GABRG1: variants seen among roughly 807,000 people sequenced by gnomAD.
The protein encoded by GABRG1 is gamma-aminobutyric acid type A receptor subunit gamma1, also known as gamma-aminobutyric acid receptor subunit gamma-1.
A neutral mutation model predicts 49.8 loss-of-function variants in GABRG1; 49 were observed. The observed-to-expected ratio is 0.98, with a 90% CI of 0.78 to 1.25. The LOEUF (loss-of-function observed/expected upper bound fraction) is 1.25. GABRG1 is among the 50% of genes most tolerant of loss of function. The pLI is 0.00. For synonymous variants in GABRG1, 232 were observed against 185.1 expected, an observed-to-expected ratio of 1.25 and a Z score of -2.06; for missense variants, 552 against 552.3, an observed-to-expected ratio of 1.00 and a Z score of 0.01.
At chr4:46,112,117 C>T (rs1291692532) in intron 1 of GABRG1, among the ~76,000 whole-genome samples, 1 of 151,202 alleles carries the variant, frequency 6.6e-6, no homozygotes, top group Non-Finnish European at 1.5e-5. Context: ...TATCTAGAAT[C>T]CACAGGGAAC....
chr4:46,049,035 C>T (rs1718113832), intron 8 of GABRG1, among the ~76,000 whole-genome samples: 1 of 151,714 alleles, frequency 6.6e-6, no homozygotes, highest in Non-Finnish European at 1.5e-5. Flanking sequence ...TGACTATAGC[C>T]CTAAACATTT....
Position 46,058,336 on chromosome 4 carries a change from A to G in GABRG1, c.797T>C (p.Leu266Pro). The G allele has an allele frequency of 6.2e-7, 1 of 1,611,972 alleles. No individual in the cohort carries two copies. Among genetic ancestry groups the G allele is most frequent in the Non-Finnish European group, 8.5e-7 (1 of 1,179,170 alleles). The change falls in exon 7 of 9, where the codon CTG becomes CCG. Residue 266 changes from leucine (L) to proline (P), a missense_variant. Physicochemically the swap from Leu to Pro is moderately conservative, Grantham distance 98. Transcript: ENST00000295452. ...AGTGAAATATCCCATTCTTCTGCTC[A>G]GGTCAAAAAAAATTGTCATGATAAC... ...DYVIMTIFFD[L>P]SRRMGYFTIQ...
rs142821690 is a variant in GABRG1 at position 46,084,293 on chromosome 4, T to A, written c.254-240A>T. 2.0e-4 allele frequency among the ~76,000 whole-genome samples: 31 copies of A among 151,836 alleles called. 1 individual carries two copies. Among genetic ancestry groups the A allele is most frequent in the African/African-American group, 6.3e-4 (26 of 41,536 alleles). ...GAGATAATGCAGAAAAATGACCTTGTAGACTGAAAGTTTCTGTTATTGTGG... is the reference window on the plus strand; with the variant it reads ...GAGATAATGCAGAAAAATGACCTTGAAGACTGAAAGTTTCTGTTATTGTGG... On this transcript the variant is annotated intron_variant, in intron 2 of 8. Coordinates refer to ENST00000295452, the MANE Select transcript of GABRG1 (RefSeq NM_173536.4).
At chr4:46,121,705 G>A (rs928434901) in intron 1 of GABRG1, among the ~76,000 whole-genome samples, 2 of 151,592 alleles carry the variant, frequency 1.3e-5, no homozygotes, top group East Asian at 3.9e-4. Context: ...TTATGTTTTT[G>A]GGGGTACTTT....
chr4:46,039,354 C>T lies in GABRG1; in HGVS notation c.*1634G>A, dbSNP rs1717666191. 1 of 151,102 alleles carries T rather than the reference C, an allele frequency of 6.6e-6. No homozygotes were observed. Among genetic ancestry groups the T allele is most frequent in the African/African-American group, 2.4e-5 (1 of 41,224 alleles). 9.4% of individuals were successfully genotyped at this position (151,102 alleles called of 1,614,324 possible). On this transcript the variant is annotated 3_prime_UTR_variant, in exon 9 of 9. Transcript: ENST00000295452. ...AAAAAAATAGAGTTAGCTGGGAACA[C>T]ACAGTAAATTATAAATAAATTAATT...
intron 3 of GABRG1, among the ~76,000 whole-genome samples, chr4:46,068,048 C>T (rs1718982900): frequency 6.6e-6 from 1 of 152,112 alleles, no homozygotes; most frequent in African/African-American, 2.4e-5. Context: ...AGCCTCTTCA[C>T]CTGACACAAA....
At position 46,097,307 on chromosome 4, in the gene GABRG1, C is replaced by A. The variant is rs1577662484; in HGVS notation, c.147G>T (p.Val49=). The change falls in exon 2 of 9, where the codon GTG becomes GTT. Residue 49 remains valine (V), a synonymous_variant. Coordinates refer to ENST00000295452, the MANE Select transcript of GABRG1 (RefSeq NM_173536.4). The part of the protein sequence containing the change: ...ADDEDDEDLT[V]NKTWVLAPKI... ...TTGGGGCCAAGACCCAGGTTTTGTTCACCGTTAAATCCTCATCATCTTCAT... is the reference window on the plus strand; with the variant it reads ...TTGGGGCCAAGACCCAGGTTTTGTTAACCGTTAAATCCTCATCATCTTCAT... The A allele has an allele frequency of 6.2e-7, 1 of 1,610,476 alleles. No homozygotes were observed. Among genetic ancestry groups the A allele is most frequent in the African/African-American group, 1.3e-5 (1 of 74,574 alleles).
intron 3 of GABRG1, among the ~76,000 whole-genome samples, chr4:46,081,167 C>T (rs532115587): frequency 1.2e-3 from 179 of 151,878 alleles, no homozygotes; most frequent in Non-Finnish European, 2.2e-3. Context: ...CTAAGGTCTG[C>T]TATTCATTTC....
chr4:46,047,446 T>C (rs1718049442), intron 8 of GABRG1, among the ~76,000 whole-genome samples: 1 of 152,088 alleles, frequency 6.6e-6, no homozygotes, highest in South Asian at 2.1e-4. Context: ...TATGAATGAA[T>C]TATTTACACA....
chr4:46,066,247 CTA>C (rs1428360064), intron 3 of GABRG1, among the ~76,000 whole-genome samples: 1 of 152,108 alleles, frequency 6.6e-6, no homozygotes, highest in Non-Finnish European at 1.5e-5. Context: ...AAAAAAGAAA[CTA>C]GACGCAAAAA....
At chr4:46,080,225 T>C (rs978864617) in intron 3 of GABRG1, among the ~76,000 whole-genome samples, 2 of 151,854 alleles carry the variant, frequency 1.3e-5, no homozygotes, top group African/African-American at 4.8e-5. Flanking sequence ...TTTTGTTTCT[T>C]ACTGGTCACT....
At chr4:46,116,587 T>C (rs1259292454) in intron 1 of GABRG1, among the ~76,000 whole-genome samples, 1 of 150,798 alleles carries the variant, frequency 6.6e-6, no homozygotes, top group Admixed American at 6.6e-5. Context: ...CAGAAACATA[T>C]ATATTTTTCT....
intron 2 of GABRG1, among the ~76,000 whole-genome samples, chr4:46,095,547 T>G (rs1338458660): frequency 6.6e-6 from 1 of 151,624 alleles, no homozygotes; most frequent in African/African-American, 2.4e-5. Context: ...AAAAAAAGAC[T>G]AAGTAAATTA....
chr4:46,086,571 T>C (rs1211945905), intron 2 of GABRG1, among the ~76,000 whole-genome samples: 1 of 151,594 alleles, frequency 6.6e-6, no homozygotes, highest in Non-Finnish European at 1.5e-5. Context: ...TATAGACTTT[T>C]CTTATTGTCA....
intron 3 of GABRG1, among the ~76,000 whole-genome samples, chr4:46,076,887 T>C (rs553664942): frequency 8.6e-4 from 130 of 151,782 alleles, no homozygotes; most frequent in African/African-American, 3.0e-3. Context: ...CTGAGAGGTC[T>C]AGGGTGTGTA....
intron 2 of GABRG1, among the ~76,000 whole-genome samples, chr4:46,094,540 G>A (rs1312092188): frequency 1.3e-5 from 2 of 152,024 alleles, no homozygotes; most frequent in Non-Finnish European, 2.9e-5. Flanking sequence ...GGATCTACAA[G>A]TATGTGTGAT....
At chr4:46,117,685 CAT>C (rs1720951163) in intron 1 of GABRG1, among the ~76,000 whole-genome samples, 4 of 142,376 alleles carry the variant, frequency 2.8e-5, no homozygotes, top group African/African-American at 2.6e-5. Context: ...TATATATACA[CAT>C]GTATATAGCT....
rs1491407033 is a variant in GABRG1, at chr4:46,056,150, T to TAAAAA, written c.916+2066_916+2067insTTTTT. 2.5e-3 allele frequency among the ~76,000 whole-genome samples: 116 copies of TAAAAA among 46,070 alleles called. 16 individuals carry two copies. The highest frequency in any genetic ancestry group is 7.6e-3 in the East Asian group (8 of 1,050). The allele number at this position is 46,070 out of a possible 152,430, so 30.2% of individuals were successfully genotyped here. A position where few individuals can be genotyped will look rare whatever the true frequency, so the allele number is the denominator to read the frequency against. Reference sequence around the variant, plus strand: ...AAAAAAAAAAAAATAAATAAATAAATTAAAAAAAAAAAAAAAAAAAAAAAA... The same window carrying TAAAAA: ...AAAAAAAAAAAAATAAATAAATAAATAAAAATAAAAAAAAAAAAAAAAAAAAAAAA... On this transcript the variant is annotated intron_variant, in intron 7 of 8. Transcript: ENST00000295452.
intron 1 of GABRG1, among the ~76,000 whole-genome samples, chr4:46,123,516 A>G (rs1721160391): frequency 6.6e-6 from 1 of 151,610 alleles, no homozygotes; most frequent in Non-Finnish European, 1.5e-5. Flanking sequence ...AGTCATTTCT[A>G]CTCCCCCTCA....
Sources: allele counts gnomAD v4.1 joint callset (sites outside exome capture counted in the v4.1 genomes callset), GRCh38; gene constraint gnomAD v4.1.1; transcripts MANE v1.5; gene names NCBI Gene and HGNC (gene_info 2026-07-23, HGNC 2026-07-21).